Variants in BSN observed in about 807,000 individuals in gnomAD.
The protein encoded by BSN is protein bassoon.
BSN carries 57 observed loss-of-function variants against 264.8 expected under a neutral mutation model. That is an observed-to-expected ratio of 0.22 (90% CI 0.17 to 0.27). The LOEUF (loss-of-function observed/expected upper bound fraction) is 0.27, where lower values mean the gene tolerates loss of function less well. Among genes scored for constraint, BSN ranks in the 10% least tolerant of loss-of-function variants. BSN has a pLI of 1.00. For synonymous variants in BSN, 2,059 were observed against 2,137.3 expected (o/e 0.96, Z 1.01); for missense variants, 4,615 against 5,232.5 (o/e 0.88, Z 3.64).
rs201254633 is a variant in BSN, at chr3:49,661,723, A to G, written c.9878A>G (p.Glu3293Gly). ...GCCAGAGGAGAAGAGGAATCTGAGG[A>G]GGACTCATACGATCCCCGCGGGAAG... The part of the protein sequence containing the change: ...CYARGEEESE[E>G]DSYDPRGKGG... Residue 3293 changes from glutamate to glycine, a missense_variant, in exon 6 of 12, where the codon GAG (glutamate) becomes GGG (glycine). Coordinates refer to ENST00000296452, the MANE Select transcript of BSN (RefSeq NM_003458.4). 1.4e-5 allele frequency: 23 copies of G among 1,613,492 alleles called. No individual in the cohort carries two copies. Among genetic ancestry groups the G allele is most frequent in the Non-Finnish European group, 1.9e-5 (22 of 1,180,042 alleles).
Position 49,654,181 on chromosome 3 carries a change from C to T in BSN, c.4625C>T (p.Thr1542Met), listed in dbSNP as rs201782083. Reference protein sequence around the residue: ...QGTQTPHRPSTPRLVWQESSQ... With the variant: ...QGTQTPHRPSMPRLVWQESSQ... The stretch of plus-strand genomic sequence containing the variant: ...ACACAAACACCACATCGACCCAGCA[C>T]GCCTCGCCTGGTGTGGCAGGAGTCC... Residue 1542 changes from threonine to methionine, a missense_variant, in exon 5 of 12, where the codon ACG becomes ATG. Thr to Met is a moderately conservative substitution (Grantham distance 81, BLOSUM62 -1). This residue lies in a region of BSN where 3,415 missense variants were observed against 3,866.4 expected (regional missense o/e 0.88). Coordinates refer to ENST00000296452, the MANE Select transcript of BSN (RefSeq NM_003458.4). The surrounding 1 kb of genome is among the most constrained non-coding windows in gnomAD (Gnocchi z 4.1). 12 of 1,614,016 alleles carry T rather than the reference C, an allele frequency of 7.4e-6. No homozygotes were observed. The highest frequency in any genetic ancestry group is 6.7e-5 in the Admixed American group (4 of 60,020).
At chr3:49,616,202 T>A (rs1488466504) in intron 1 of BSN, among the ~76,000 whole-genome samples, 1 of 152,172 alleles carries the variant, frequency 6.6e-6, no homozygotes, top group East Asian at 1.9e-4. Flanking sequence ...AACTGGAATT[T>A]TTTTCTAAGC....
intron 1 of BSN, among the ~76,000 whole-genome samples, chr3:49,587,520 G>A (rs931959011): frequency 6.6e-6 from 1 of 152,192 alleles, no homozygotes; most frequent in Admixed American, 6.5e-5. Context: ...CAAAACAAAC[G>A]AAAGAATGAA....
Position 49,662,436 on chromosome 3 carries a change from T to C in BSN, c.10591T>C (p.Phe3531Leu), listed in dbSNP as rs1239020712. The change falls in exon 6 of 12, where the codon TTC (phenylalanine) becomes CTC (leucine). Residue 3531 changes from phenylalanine (F) to leucine (L), a missense_variant. This residue lies in a region of BSN where 3,415 missense variants were observed against 3,866.4 expected (regional missense o/e 0.88). Coordinates refer to ENST00000296452, the MANE Select transcript of BSN (RefSeq NM_003458.4). ...TCCCGGCGGGGATACCTGCCCACAG[T>C]TCTGCTCCAGCCACTCCATGCCTGA... ...LPPGGDTCPQ[F>L]CSSHSMPDVQ... 6.2e-7 allele frequency: 1 copy of C among 1,613,328 alleles called. No individual in the cohort carries two copies. The highest frequency in any genetic ancestry group is 8.5e-7 in the Non-Finnish European group (1 of 1,180,006).
intron 1 of BSN, among the ~76,000 whole-genome samples, chr3:49,578,545 C>A (rs1365249109): frequency 6.6e-6 from 1 of 151,974 alleles, no homozygotes; most frequent in Admixed American, 6.6e-5. Context: ...GTAGCTGGGA[C>A]TACAGGTGCC....
At chr3:49,592,427 TA>T (rs1364049050) in intron 1 of BSN, among the ~76,000 whole-genome samples, 1 of 150,038 alleles carries the variant, frequency 6.7e-6, no homozygotes, top group East Asian at 2.0e-4. Flanking sequence ...CTCAATTTTT[TA>T]AAAATTGAAT....
rs749730838 is a variant in BSN, at chr3:49,643,011, G to C, written c.1377G>C (p.Pro459=). Reference sequence around the variant, plus strand: ...CTGCTGCCAAGCCAAAGACCATGCCGAAGGAAAGGGCCATCTGCCCACTGT... The same window carrying C: ...CTGCTGCCAAGCCAAAGACCATGCCCAAGGAAAGGGCCATCTGCCCACTGT... ...SKAAAKPKTM[P]KERAICPLCQ... is the part of the protein sequence containing the mutation. The change falls in exon 3 of 12, where the codon CCG becomes CCC. Residue 459 remains proline (P), a synonymous_variant. Transcript: ENST00000296452. The C allele has an allele frequency of 6.2e-7, 1 of 1,613,996 alleles. No homozygotes were observed. Among genetic ancestry groups the C allele is most frequent in the Non-Finnish European group, 8.5e-7 (1 of 1,180,032 alleles).
Position 49,655,666 on chromosome 3 carries a change from T to G in BSN, c.6110T>G (p.Leu2037Trp), listed in dbSNP as rs1055646049. Residue 2037 changes from leucine to tryptophan, a missense_variant, in exon 5 of 12, where the codon TTG (leucine) becomes TGG (tryptophan). Physicochemically the swap from Leu to Trp is moderately conservative, Grantham distance 61. Coordinates refer to ENST00000296452, the MANE Select transcript of BSN (RefSeq NM_003458.4). ...GATGGACGCTACCTAGGGCAGGGCT[T>G]GCAGTATGGCTCAGTCACGGACCTG... ...FADGRYLGQG[L>W]QYGSVTDLRH... 2 of 1,613,632 alleles carry G rather than the reference T, an allele frequency of 1.2e-6. No individual in the cohort carries two copies. Among genetic ancestry groups the G allele is most frequent in the Non-Finnish European group, 1.7e-6 (2 of 1,180,018 alleles).
Position 49,642,639 on chromosome 3 carries a change from G to T in BSN, c.1005G>T (p.Gly335=). ...PAKSATAVPA[G]LGATEQTQEG... ...AAAGTGCCACCGCAGTGCCCGCTGG[G>T]CTTGGTGCCACTGAGCAGACCCAGG... The change falls in exon 3 of 12, where the codon GGG becomes GGT. Residue 335 remains glycine, a synonymous_variant. Transcript: ENST00000296452. The surrounding 1 kb of genome is among the most constrained non-coding windows in gnomAD (Gnocchi z 7.0). 6.2e-7 allele frequency: 1 copy of T among 1,603,690 alleles called. No homozygotes were observed. The highest frequency in any genetic ancestry group is 8.5e-7 in the Non-Finnish European group (1 of 1,174,084).
intron 2 of BSN, among the ~76,000 whole-genome samples, chr3:49,633,859 C>CA (rs1358090400): frequency 6.6e-6 from 1 of 152,084 alleles, no homozygotes; most frequent in Non-Finnish European, 1.5e-5. Flanking sequence ...ATGAGGTGGT[C>CA]AGAGTAGTCA....
chr3:49,617,275 AAAATACATTATATATATATAT>A (rs2052266383), intron 1 of BSN, among the ~76,000 whole-genome samples: 2 of 119,218 alleles, frequency 1.7e-5, no homozygotes, highest in South Asian at 2.4e-4. Context: ...AATAAAAAAT[AAAATACATTATATATATATAT>A]ATATATATAT....
chr3:49,658,114 C>T lies in BSN; in HGVS notation c.8558C>T (p.Pro2853Leu). The T allele has an allele frequency of 6.2e-7, 1 of 1,612,402 alleles. No individual in the cohort carries two copies. The highest frequency in any genetic ancestry group is 8.5e-7 in the Non-Finnish European group (1 of 1,179,462). ...MKTLQRSLSD[P>L]KPLSPTAEES... ...ACCCTGCAGCGGTCCCTGTCTGACC[C>T]TAAGCCCCTCAGCCCCACCGCCGAA... is the stretch of plus-strand genomic sequence containing the variant. The change falls in exon 5 of 12, where the codon CCT (proline) becomes CTT (leucine). Residue 2853 changes from proline to leucine, a missense_variant. This residue lies in a region of BSN where 3,415 missense variants were observed against 3,866.4 expected (regional missense o/e 0.88). Transcript: ENST00000296452.
At position 49,642,534 on chromosome 3, in the gene BSN, G is replaced by A. The variant is rs1334195964; in HGVS notation, c.900G>A (p.Gly300=). Reference sequence around the variant, plus strand: ...AAGCAGCTGCCCCTCCAGAGGTGGGGAGGGTGTCTCCTCAGCCCCCTCAAC... The same window carrying A: ...AAGCAGCTGCCCCTCCAGAGGTGGGAAGGGTGTCTCCTCAGCCCCCTCAAC... The part of the protein sequence containing the change: ...PAQAAAPPEV[G]RVSPQPPQPT... The change falls in exon 3 of 12, where the codon GGG becomes GGA. Residue 300 remains glycine, a synonymous_variant. Coordinates refer to ENST00000296452, the MANE Select transcript of BSN (RefSeq NM_003458.4). This position sits in a 1 kb window ranked among gnomAD's most constrained non-coding sequence, Gnocchi z 7.0. 6.3e-7 allele frequency: 1 copy of A among 1,588,980 alleles called. No individual in the cohort carries two copies. Among genetic ancestry groups the A allele is most frequent in the African/African-American group, 1.3e-5 (1 of 74,516 alleles).
At position 49,655,981 on chromosome 3, in the gene BSN, T is replaced by C; in HGVS notation, c.6425T>C (p.Val2142Ala). The C allele has an allele frequency of 6.2e-7, 1 of 1,608,424 alleles. No individual in the cohort carries two copies. The highest frequency in any genetic ancestry group is 8.5e-7 in the Non-Finnish European group (1 of 1,178,546). ...GGGCTCAGTGCTCCACAGAGTCTGG[T>C]TCCCCTCAGACCTGGACTCCTTGGT... ...GPGLSAPQSL[V>A]PLRPGLLGNP... The change falls in exon 5 of 12, where the codon GTT becomes GCT. Residue 2142 changes from valine to alanine, a missense_variant. Val to Ala is a moderately conservative substitution (Grantham distance 64). Coordinates refer to ENST00000296452, the MANE Select transcript of BSN (RefSeq NM_003458.4).
chr3:49,636,057 A>T (rs892344717), intron 2 of BSN, among the ~76,000 whole-genome samples: 1 of 152,032 alleles, frequency 6.6e-6, no homozygotes, highest in African/African-American at 2.4e-5. Flanking sequence ...TTCAGTATTT[A>T]TTTAAGGTTT....
chr3:49,618,309 C>T (rs1471725168), intron 1 of BSN, among the ~76,000 whole-genome samples: 1 of 152,160 alleles, frequency 6.6e-6, no homozygotes, highest in Non-Finnish European at 1.5e-5. Context: ...TAATTGACTT[C>T]TCTCCCTGGA....
rs759191061 is a variant in BSN, at chr3:49,663,861, G to C, written c.11583G>C (p.Gln3861His). 6.2e-7 allele frequency: 1 copy of C among 1,613,932 alleles called. No homozygotes were observed. Among genetic ancestry groups the C allele is most frequent in the African/African-American group, 1.3e-5 (1 of 74,946 alleles). ...AACAGGGGAGGGCTCCTCAGGCCCA[G>C]CCAGCACCAGGACCTGGACCTGCAG... The part of the protein sequence containing the change: ...APQQGRAPQA[Q>H]PAPGPGPAGV... Residue 3861 changes from glutamine to histidine, a missense_variant, in exon 8 of 12, where the codon CAG (glutamine) becomes CAC (histidine). Around this residue, in one of 3 missense-constraint regions of BSN, gnomAD observed 3,415 missense variants for 3,866.4 expected, o/e 0.88. Transcript: ENST00000296452.
In BSN at chr3:49,642,875, C is replaced by T; in HGVS notation, c.1241C>T (p.Thr414Ile). 6.2e-7 allele frequency: 1 copy of T among 1,613,880 alleles called. No individual in the cohort carries two copies. The highest frequency in any genetic ancestry group is 8.5e-7 in the Non-Finnish European group (1 of 1,180,014). The change falls in exon 3 of 12, where the codon ACT (threonine) becomes ATT (isoleucine). Residue 414 changes from threonine (T) to isoleucine (I), a missense_variant. This residue lies in a region of BSN where 1,197 missense variants were observed against 1,348.0 expected (regional missense o/e 0.89). Transcript: ENST00000296452. The surrounding 1 kb of genome is among the most constrained non-coding windows in gnomAD (Gnocchi z 7.0). ...CCTGGGCCAGCACCTGGAGCCAAAA[C>T]TGAGCCTGGGGCTAGAATGGGTCCT... ...PGPGPAPGAK[T>I]EPGARMGPGS... is the part of the protein sequence containing the mutation.
At chr3:49,613,413 C>A (rs569578730) in intron 1 of BSN, among the ~76,000 whole-genome samples, 2 of 150,024 alleles carry the variant, frequency 1.3e-5, no homozygotes, top group Non-Finnish European at 3.0e-5. Context: ...CTAGCTATAT[C>A]TCTGAAGTCC....
Sources: allele counts gnomAD v4.1 joint callset (sites outside exome capture counted in the v4.1 genomes callset), GRCh38; gene constraint gnomAD v4.1.1; regional missense constraint gnomAD v4.1.1; non-coding constraint Gnocchi (gnomAD v3.1); transcripts MANE v1.5; gene names NCBI Gene and HGNC (gene_info 2026-07-23, HGNC 2026-07-21).